The following PRCP variants were observed in gnomAD, a reference collection of about 807,000 sequenced individuals.
PRCP encodes the protein lysosomal Pro-X carboxypeptidase.
PRCP carries 46 observed loss-of-function variants against 54.2 expected under a neutral mutation model. The observed-to-expected ratio is 0.85, with a 90% confidence interval of 0.67 to 1.09. The LOEUF (loss-of-function observed/expected upper bound fraction) is 1.09, where lower values mean the gene tolerates loss of function less well. PRCP is among the 50% of genes least tolerant of loss of function. The pLI is 0.00. For missense variants in PRCP, 613 were observed against 596.8 expected, an observed-to-expected ratio of 1.03 and a Z score of -0.28; for synonymous variants, 240 against 212.2, an observed-to-expected ratio of 1.13 and a Z score of -1.14.
chr11:82,869,334 C>T (rs568184780), intron 1 of PRCP, among the ~76,000 whole-genome samples: 38 of 131,756 alleles, frequency 2.9e-4, no homozygotes, highest in African/African-American at 9.8e-4. Flanking sequence ...CCAGCCTGGG[C>T]GACAGAGTGA....
intron 2 of PRCP, among the ~76,000 whole-genome samples, chr11:82,855,446 G>C (rs1413690057): frequency 2.0e-5 from 3 of 151,872 alleles, no homozygotes; most frequent in Admixed American, 2.0e-4. Context: ...GTGAAACCCC[G>C]TCTCTACTAA....
intron 1 of PRCP, among the ~76,000 whole-genome samples, chr11:82,872,182 A>G (rs1294385367): frequency 6.6e-6 from 1 of 152,250 alleles, no homozygotes; most frequent in East Asian, 1.9e-4. Flanking sequence ...TATAGGGTTC[A>G]GTACTAACCG....
chr11:82,897,699 C>T (rs796238097), intron 1 of PRCP, among the ~76,000 whole-genome samples: 23 of 152,274 alleles, frequency 1.5e-4, no homozygotes, highest in African/African-American at 5.5e-4. Context: ...GTTGGAACGA[C>T]CAGCTAGGGT....
upstream of PRCP, chr11:82,900,472 C>A: frequency 2.0e-6 from 3 of 1,521,466 alleles, no homozygotes; most frequent in Non-Finnish European, 2.7e-6. Context: ...ACAGGCTAAG[C>A]CCTGCCCAGC....
chr11:82,898,481 T>C (rs1215783139), intron 1 of PRCP, among the ~76,000 whole-genome samples: 1 of 152,180 alleles, frequency 6.6e-6, no homozygotes, highest in East Asian at 1.9e-4. Flanking sequence ...AATCCAATAG[T>C]CCTCCCCACC....
chr11:82,838,272 A>G, intron 8 of PRCP, 115 bp downstream of exon 8: 2 of 940,670 alleles, frequency 2.1e-6, no homozygotes, highest in Non-Finnish European at 1.5e-6. Context: ...CATGACAGGT[A>G]GCACTGTTGT....
At chr11:82,845,590 CCACCCAGAGAG>C (rs1395564987) in intron 6 of PRCP, 4 of 152,188 alleles carry the variant, frequency 2.6e-5, no homozygotes, top group Non-Finnish European at 5.9e-5. Flanking sequence ...ACCGCTTAAA[CCACCCAGAGAG>C]GTCGCATACA....
intron 8 of PRCP, chr11:82,829,356 C>T (rs1380797075): frequency 2.6e-5 from 4 of 152,312 alleles, no homozygotes; most frequent in African/African-American, 9.6e-5. Flanking sequence ...TAACTCCACT[C>T]CAGCCACACT....
intron 1 of PRCP, among the ~76,000 whole-genome samples, chr11:82,880,629 A>G (rs1170970435): frequency 6.6e-6 from 1 of 152,154 alleles, no homozygotes; most frequent in Non-Finnish European, 1.5e-5. Flanking sequence ...TGTAGACTGG[A>G]GCTGTTCCTA....
intron 1 of PRCP, among the ~76,000 whole-genome samples, chr11:82,866,475 A>C (rs1444691983): frequency 6.6e-6 from 1 of 152,208 alleles, no homozygotes; most frequent in East Asian, 1.9e-4. Context: ...ACAGAACTGC[A>C]TTCCCTGACT....
At chr11:82,849,649 A>G (rs77051857) in intron 5 of PRCP, among the ~76,000 whole-genome samples, 2,289 of 152,274 alleles carry the variant, frequency 0.015, 61 homozygotes, top group African/African-American at 0.051. Flanking sequence ...TTTGCTGGGT[A>G]GGTATAGAGG....
At position 82,858,770 on chromosome 11, in the gene PRCP, C is replaced by G. The variant is rs543531781; in HGVS notation, c.309+1207G>C. 7 of 152,256 alleles carry G rather than the reference C, an allele frequency of 4.6e-5. No homozygotes were observed. The South Asian group carries it at 6.2e-4, about 14-fold the overall frequency. The allele number at this position is 152,256 out of a possible 1,614,324, so 9.4% of individuals were successfully genotyped here. A position where few individuals can be genotyped will look rare whatever the true frequency, so the allele number is the denominator to read the frequency against. Reference sequence around the variant, plus strand: ...TTTCACAGAATAACAGAACGGGAATCTGATGGAAAGGAGATTTCTCTTGTC... The same window carrying G: ...TTTCACAGAATAACAGAACGGGAATGTGATGGAAAGGAGATTTCTCTTGTC... On this transcript the variant is annotated intron_variant, in intron 2 of 8. Coordinates refer to ENST00000313010, the MANE Select transcript of PRCP (RefSeq NM_005040.4).
intron 1 of PRCP, among the ~76,000 whole-genome samples, chr11:82,887,773 A>G (rs1008341456): frequency 4.6e-5 from 7 of 152,182 alleles, no homozygotes; most frequent in African/African-American, 1.7e-4. Flanking sequence ...CTGGTTACAA[A>G]GAAATTATCT....
At chr11:82,901,321 A>AC (rs1336304528), upstream of PRCP, 9 of 175,816 alleles carry the variant, frequency 5.1e-5, no homozygotes, top group Non-Finnish European at 9.7e-5. Context: ...TCCGCGCTCC[A>AC]CCCCCCTCCT....
chr11:82,858,016 T>C (rs1184576665), intron 2 of PRCP, among the ~76,000 whole-genome samples: 1 of 152,198 alleles, frequency 6.6e-6, no homozygotes, highest in Non-Finnish European at 1.5e-5. Context: ...GTAAAGATCA[T>C]CCATTACAAT....
At chr11:82,861,863 T>C (rs939784359) in intron 1 of PRCP, among the ~76,000 whole-genome samples, 1 of 152,162 alleles carries the variant, frequency 6.6e-6, no homozygotes, top group Non-Finnish European at 1.5e-5. Context: ...CACAATGATG[T>C]AGGGACAAAT....
At chr11:82,830,387 G>A (rs895052286) in intron 8 of PRCP, 3 of 152,010 alleles carry the variant, frequency 2.0e-5, no homozygotes, top group Non-Finnish European at 4.4e-5. Context: ...CAGCACTTTG[G>A]GAGGCCGAGG....
At chr11:82,848,826 C>A (rs1232271539) in intron 6 of PRCP, among the ~76,000 whole-genome samples, 2 of 152,094 alleles carry the variant, frequency 1.3e-5, no homozygotes, top group African/African-American at 4.8e-5. Flanking sequence ...TCAATGAATT[C>A]TATCTCCATT....
chr11:82,877,024 TG>T (rs1428782060), intron 1 of PRCP, among the ~76,000 whole-genome samples: 2 of 152,140 alleles, frequency 1.3e-5, no homozygotes, highest in African/African-American at 4.8e-5. Context: ...CAGGCTGAGG[TG>T]GTCTCAGACG....
Sources: allele counts gnomAD v4.1 joint callset (sites outside exome capture counted in the v4.1 genomes callset), GRCh38; gene constraint gnomAD v4.1.1; transcripts MANE v1.5; gene names NCBI Gene and HGNC (gene_info 2026-07-23, HGNC 2026-07-21).